Variants in ARHGAP23 observed in about 807,000 individuals in gnomAD.
ARHGAP23 encodes the protein rho GTPase-activating protein 23.
A neutral mutation model predicts 136.3 loss-of-function variants in ARHGAP23; 34 were observed. The observed-to-expected ratio is 0.25, with a 90% CI of 0.19 to 0.33. The LOEUF is 0.33. Among genes scored for constraint, ARHGAP23 ranks in the 10% least tolerant of loss-of-function variants. The pLI is 1.00. For missense variants in ARHGAP23, 1,808 were observed against 2,139.0 expected, an observed-to-expected ratio of 0.85 and a Z score of 3.05; for synonymous variants, 832 against 920.5, an observed-to-expected ratio of 0.90 and a Z score of 1.74.
chr17:38,498,690 C>G (rs1468706183), intron 22 of ARHGAP23, among the ~76,000 whole-genome samples, 180 bp downstream of exon 22: 6 of 152,172 alleles, frequency 3.9e-5, no homozygotes, highest in African/African-American at 1.4e-4. Context: ...GTCCAGCTTG[C>G]CCCGTGCCCA....
At chr17:38,473,212 C>T (rs974600737) in intron 11 of ARHGAP23, among the ~76,000 whole-genome samples, 2 of 151,816 alleles carry the variant, frequency 1.3e-5, no homozygotes, top group African/African-American at 4.8e-5. Context: ...CCTCGGCCTC[C>T]CAAAGTGCTG....
chr17:38,488,041 A>C (rs1204691268), intron 17 of ARHGAP23, among the ~76,000 whole-genome samples: 1 of 151,964 alleles, frequency 6.6e-6, no homozygotes, highest in East Asian at 1.9e-4. Flanking sequence ...AGTTGGGACT[A>C]CAGGTTTGTG....
chr17:38,449,296 G>A (rs1421344755), intron 1 of ARHGAP23, among the ~76,000 whole-genome samples: 2 of 152,200 alleles, frequency 1.3e-5, no homozygotes, highest in Admixed American at 1.3e-4. Context: ...GCCCTACAGG[G>A]GAAGAGCACT....
chr17:38,498,015 T>C (rs559486821), intron 21 of ARHGAP23, among the ~76,000 whole-genome samples, 189 bp downstream of exon 21: 1 of 152,110 alleles, frequency 6.6e-6, no homozygotes, highest in Non-Finnish European at 1.5e-5. Flanking sequence ...GCACAAAGCT[T>C]GCCTTCAGGA....
At chr17:38,467,356 C>T in intron 7 of ARHGAP23, 25 bp downstream of exon 7, 1 of 1,456,758 alleles carries the variant, frequency 6.9e-7, no homozygotes, top group Non-Finnish European at 9.1e-7. Flanking sequence ...ATGTGGCTGT[C>T]CTGGGGGACT....
At chr17:38,478,497 C>T (rs1276826446) in intron 12 of ARHGAP23, among the ~76,000 whole-genome samples, 1 of 151,658 alleles carries the variant, frequency 6.6e-6, no homozygotes, top group East Asian at 1.9e-4. Flanking sequence ...TCACTGCAAC[C>T]TCCGCCTCCC....
intron 7 of ARHGAP23, among the ~76,000 whole-genome samples, chr17:38,467,894 A>G (rs1416612152): frequency 6.6e-6 from 1 of 151,812 alleles, no homozygotes; most frequent in East Asian, 1.9e-4. Context: ...CCATCCCTCC[A>G]TCGACTCAAC....
chr17:38,510,868 C>G lies in ARHGAP23; in HGVS notation c.4372C>G (p.Pro1458Ala). 1 of 1,499,352 alleles carries G rather than the reference C, an allele frequency of 6.7e-7. No individual in the cohort carries two copies. 92.9% of individuals were successfully genotyped at this position (1,499,352 alleles called of 1,614,324 possible). ...CCTGGAGTCCACCAAGGCGCGGGCC[C>G]CGTCGTCCGCTGCCTCGCAGCCGCC... ...SSLESTKARA[P>A]SSAASQPPAP... Residue 1458 changes from proline (P) to alanine (A), a missense_variant, in exon 24 of 24, where the codon CCG becomes GCG. By Grantham distance (27) the Pro-to-Ala change is conservative. This residue lies in a region of ARHGAP23 where 506 missense variants were observed against 455.8 expected (regional missense o/e 1.11). Coordinates refer to ENST00000622683, the MANE Select transcript of ARHGAP23 (RefSeq NM_001199417.2). The surrounding 1 kb of genome is among the most constrained non-coding windows in gnomAD (Gnocchi z 4.6).
rs1236795537 is a variant in ARHGAP23 at position 38,482,041 on chromosome 17, C to T, written c.2649C>T (p.Pro883=). 2 of 1,544,426 alleles carry T rather than the reference C, an allele frequency of 1.3e-6. No individual in the cohort carries two copies. The highest frequency in any genetic ancestry group is 4.1e-5 in the Admixed American group (2 of 49,170). The change falls in exon 15 of 24, where the codon CCC becomes CCT. Residue 883 remains proline (P), a synonymous_variant. Transcript: ENST00000622683. ...AGSKDDSAAA[P]KTPWGINIIK... ...CTTCAGATGACAGTGCTGCAGCCCC[C>T]AAAACCCCCTGGGGCATCAACATCA... is the stretch of plus-strand genomic sequence containing the variant.
At chr17:38,479,008 G>A (rs914972371) in intron 12 of ARHGAP23, among the ~76,000 whole-genome samples, 2 of 152,154 alleles carry the variant, frequency 1.3e-5, no homozygotes, top group Non-Finnish European at 2.9e-5. Context: ...AGGGAGGAAG[G>A]CACCTGGAAT....
chr17:38,445,703 C>T (rs901272137), intron 1 of ARHGAP23, among the ~76,000 whole-genome samples: 3 of 151,236 alleles, frequency 2.0e-5, no homozygotes, highest in Non-Finnish European at 2.9e-5. Flanking sequence ...GGTGTGATCA[C>T]GGCTCACTGC....
chr17:38,482,496 C>A (rs1488301260), intron 15 of ARHGAP23, 27 bp from the exon 16 acceptor site: 4 of 1,525,448 alleles, frequency 2.6e-6, no homozygotes, highest in Admixed American at 4.0e-5. Context: ...CCCTGTCCCC[C>A]CTAACACCCC....
chr17:38,453,865 C>A (rs1304111988), intron 1 of ARHGAP23: 3 of 144,524 alleles, frequency 2.1e-5, no homozygotes, highest in Non-Finnish European at 3.1e-5. Context: ...GTCTGCCGGG[C>A]GCCTAGCAGC....
rs2040498982 is a variant in ARHGAP23 at position 38,500,612 on chromosome 17, G to T, written c.3431G>T (p.Ser1144Ile). 1.3e-6 allele frequency: 2 copies of T among 1,549,230 alleles called. No homozygotes were observed. Among genetic ancestry groups the T allele is most frequent in the Admixed American group, 2.0e-5 (1 of 50,970 alleles). The stretch of plus-strand genomic sequence containing the variant: ...TCACCAACAGATTCTACCACCTGTA[G>T]TTCAGCCAAGTCCAAGGTACGTATG... The part of the protein sequence containing the change: ...GDPGSDSTTC[S>I]SAKSKGSWAP... Residue 1144 changes from serine to isoleucine, a missense_variant, in exon 23 of 24, where the codon AGT (serine) becomes ATT (isoleucine). Ser to Ile is a moderately radical substitution (Grantham distance 142). This residue lies in a region of ARHGAP23 where 104 missense variants were observed against 131.8 expected (regional missense o/e 0.79). Coordinates refer to ENST00000622683, the MANE Select transcript of ARHGAP23 (RefSeq NM_001199417.2).
chr17:38,489,943 C>G, intron 17 of ARHGAP23, 159 bp from the exon 18 acceptor site: 1 of 672,190 alleles, frequency 1.5e-6, no homozygotes, highest in Non-Finnish European at 2.7e-6. Flanking sequence ...GTGAGTGCAG[C>G]TGTGGTGGGT....
upstream of ARHGAP23, among the ~76,000 whole-genome samples, chr17:38,427,971 T>C (rs571126389): frequency 2.0e-5 from 3 of 152,330 alleles, no homozygotes; most frequent in South Asian, 6.2e-4. Context: ...TCTTTGTTTC[T>C]GACTTTCTCT....
intron 17 of ARHGAP23, among the ~76,000 whole-genome samples, chr17:38,487,043 C>T (rs575725567): frequency 2.6e-5 from 4 of 152,240 alleles, no homozygotes; most frequent in South Asian, 4.1e-4. Context: ...GCTTCCATGG[C>T]GTAAATACTC....
chr17:38,469,723 C>T, intron 9 of ARHGAP23, 88 bp downstream of exon 9: 1 of 1,506,406 alleles, frequency 6.6e-7, no homozygotes, highest in Non-Finnish European at 9.0e-7. Flanking sequence ...TGGGGGTCCT[C>T]TATGCATGGG....
chr17:38,506,851 G>A (rs1413035920), intron 23 of ARHGAP23, among the ~76,000 whole-genome samples: 1 of 152,162 alleles, frequency 6.6e-6, no homozygotes, highest in African/African-American at 2.4e-5. Context: ...ACTGGCTGGT[G>A]GAACTGGGCT....
Sources: gnomAD v4.1 joint callset for allele counts (sites outside exome capture counted in the v4.1 genomes callset) on GRCh38, gnomAD v4.1.1 for gene constraint, gnomAD v4.1.1 regional missense constraint, Gnocchi (gnomAD v3.1) non-coding constraint, MANE v1.5 for transcripts, NCBI Gene and HGNC (gene_info 2026-07-23, HGNC 2026-07-21) for gene names.